CTNNA3: variants seen among roughly 807,000 people sequenced by gnomAD.
The protein encoded by CTNNA3 is catenin alpha 3.
Under a neutral mutation model 95.7 loss-of-function variants are expected in CTNNA3, and 76 were observed. The ratio of observed to expected loss-of-function variants is 0.79; its 90% confidence interval spans 0.66 to 0.96. The LOEUF (loss-of-function observed/expected upper bound fraction) is 0.96, where lower values mean the gene tolerates loss of function less well. CTNNA3 is among the 40% of genes least tolerant of loss of function. CTNNA3 has a pLI of 0.00. For missense variants in CTNNA3, 1,191 were observed against 1,089.8 expected (o/e 1.09, Z -1.31); for synonymous variants, 431 against 374.4 (o/e 1.15, Z -1.74).
chr10:66,076,121 G>A (rs1033903715), intron 14 of CTNNA3, among the ~76,000 whole-genome samples: 1 of 151,338 alleles, frequency 6.6e-6, no homozygotes, highest in African/African-American at 2.4e-5. Context: ...TATACATATT[G>A]GAAAAATAGT....
chr10:67,554,905 T>C (rs942477737), intron 3 of CTNNA3, among the ~76,000 whole-genome samples: 1 of 152,236 alleles, frequency 6.6e-6, no homozygotes, highest in African/African-American at 2.4e-5. Flanking sequence ...ATTTAAGTCT[T>C]TAATCCATCT....
At chr10:67,109,501 T>G (rs952318885) in intron 7 of CTNNA3, among the ~76,000 whole-genome samples, 2 of 152,218 alleles carry the variant, frequency 1.3e-5, no homozygotes, top group Non-Finnish European at 2.9e-5. Flanking sequence ...CAAAGTAGTA[T>G]TAGTGAATTC....
At chr10:65,965,098 T>G (rs1303729973) in intron 17 of CTNNA3, among the ~76,000 whole-genome samples, 6 of 152,180 alleles carry the variant, frequency 3.9e-5, no homozygotes, top group Admixed American at 1.3e-4. Flanking sequence ...TTTTTCCCCC[T>G]CTAACAACCA....
rs547388442 is a variant in CTNNA3 at position 67,196,087 on chromosome 10, C to A, written c.844-15567G>T. On this transcript the variant is annotated intron_variant, in intron 6 of 17. Coordinates refer to ENST00000433211, the MANE Select transcript of CTNNA3 (RefSeq NM_013266.4). ...CTCAAGCAACTATATTATCAATCTT[C>A]AGAATGAGTGATAAAAATGGAATGA... is the stretch of plus-strand genomic sequence containing the variant. Among the ~76,000 whole-genome samples, 3 of 152,120 alleles carry A rather than the reference C, an allele frequency of 2.0e-5. No homozygotes were observed. The East Asian group carries it at 5.8e-4, about 29-fold the overall frequency.
At chr10:66,385,667 A>G (rs1324884788) in intron 11 of CTNNA3, among the ~76,000 whole-genome samples, 1 of 152,212 alleles carries the variant, frequency 6.6e-6, no homozygotes, top group Non-Finnish European at 1.5e-5. Context: ...AATATCCCTG[A>G]TGAAGATTGA....
intron 3 of CTNNA3, among the ~76,000 whole-genome samples, chr10:67,555,665 G>A (rs1476271063): frequency 1.3e-5 from 2 of 152,176 alleles, no homozygotes; most frequent in African/African-American, 4.8e-5. Flanking sequence ...CTGAGACGAT[G>A]GGGTTTTCTA....
intron 5 of CTNNA3, among the ~76,000 whole-genome samples, chr10:67,405,292 A>G (rs964841653): frequency 6.6e-6 from 1 of 152,208 alleles, no homozygotes; most frequent in Admixed American, 6.5e-5. Flanking sequence ...GCTGTCTTCA[A>G]GAGACCCATC....
At chr10:66,457,672 T>A (rs770180502) in intron 11 of CTNNA3, among the ~76,000 whole-genome samples, 12 of 132,204 alleles carry the variant, frequency 9.1e-5, no homozygotes, top group Admixed American at 1.4e-4. Flanking sequence ...ATTTAGACAG[T>A]TTATTACTTA....
chr10:67,076,930 T>C (rs1342137445), intron 7 of CTNNA3, among the ~76,000 whole-genome samples: 4 of 152,228 alleles, frequency 2.6e-5, no homozygotes, highest in Admixed American at 2.6e-4. Flanking sequence ...CATTGGACTA[T>C]GTCAAAATCT....
intron 5 of CTNNA3, among the ~76,000 whole-genome samples, chr10:67,237,907 A>G (rs111748925): frequency 0.036 from 5,425 of 152,298 alleles, 204 homozygotes; most frequent in South Asian, 0.18. Context: ...GAAAGAGACA[A>G]TAAGTGCCTG....
intron 7 of CTNNA3, among the ~76,000 whole-genome samples, chr10:67,117,390 G>C (rs1859237850): frequency 6.6e-6 from 1 of 151,918 alleles, no homozygotes; most frequent in African/African-American, 2.4e-5. Context: ...TCCCTTTCCT[G>C]TTCCAGTTTG....
rs1840772932 is a variant in CTNNA3 at position 67,544,321 on chromosome 10, AGT to A, written c.293-4654_293-4653del. Among the ~76,000 whole-genome samples the A allele has an allele frequency of 2.0e-5, 3 of 152,170 alleles. No homozygotes were observed. In the South Asian group the frequency reaches 6.2e-4, roughly 32 times the overall value. ...GGTTATAAGGCACTGGATGTTAGGC[AGT>A]GAAGGACAGTAATCCCTGAGAAATG... On this transcript the variant is annotated intron_variant, in intron 3 of 17. Coordinates refer to ENST00000433211, the MANE Select transcript of CTNNA3 (RefSeq NM_013266.4).
At chr10:66,577,517 G>A (rs1843044702) in intron 10 of CTNNA3, among the ~76,000 whole-genome samples, 1 of 152,008 alleles carries the variant, frequency 6.6e-6, no homozygotes, top group African/African-American at 2.4e-5. Context: ...GTGAAAGGAA[G>A]GGGTTCAGTT....
intron 7 of CTNNA3, among the ~76,000 whole-genome samples, chr10:67,011,573 T>C (rs1852341584): frequency 6.6e-6 from 1 of 152,182 alleles, no homozygotes; most frequent in Non-Finnish European, 1.5e-5. Context: ...ATGTACATGT[T>C]GGTGATAATA....
intron 5 of CTNNA3, among the ~76,000 whole-genome samples, chr10:67,403,895 C>T (rs1464075824): frequency 2.0e-5 from 3 of 152,138 alleles, no homozygotes; most frequent in Non-Finnish European, 2.9e-5. Flanking sequence ...CAGCCTTCAC[C>T]GGTAATACCT....
At chr10:66,802,115 C>T (rs879664362) in intron 7 of CTNNA3, among the ~76,000 whole-genome samples, 1 of 151,658 alleles carries the variant, frequency 6.6e-6, no homozygotes, top group Non-Finnish European at 1.5e-5. Context: ...ATAACTGTAA[C>T]ACCTAGGAGC....
chr10:67,325,328 T>C (rs536745838), intron 5 of CTNNA3, among the ~76,000 whole-genome samples: 7 of 152,196 alleles, frequency 4.6e-5, no homozygotes, highest in African/African-American at 1.4e-4. Context: ...TGGTGTTAGG[T>C]TGTTAACTTG....
At chr10:66,192,749 A>G (rs1298459152) in intron 13 of CTNNA3, among the ~76,000 whole-genome samples, 1 of 152,112 alleles carries the variant, frequency 6.6e-6, no homozygotes. Flanking sequence ...CCCCTTTCCC[A>G]AAACATTTTT....
intron 7 of CTNNA3, among the ~76,000 whole-genome samples, chr10:67,037,842 A>G (rs1854158606): frequency 1.3e-5 from 2 of 152,138 alleles, no homozygotes. Context: ...GTATTGGTAA[A>G]TTATGATTAG....
Sources: allele counts gnomAD v4.1 joint callset (sites outside exome capture counted in the v4.1 genomes callset), GRCh38; gene constraint gnomAD v4.1.1; transcripts MANE v1.5; gene names NCBI Gene and HGNC (gene_info 2026-07-23, HGNC 2026-07-21).